OXR1: variants seen among roughly 807,000 people sequenced by gnomAD.
OXR1 encodes oxidation resistance 1.
A neutral mutation model predicts 104.6 loss-of-function variants in OXR1; 41 were observed. The ratio of observed to expected loss-of-function variants is 0.39; its 90% confidence interval spans 0.31 to 0.51. The LOEUF is 0.51. Among genes scored for constraint, OXR1 ranks in the 20% least tolerant of loss-of-function variants. The pLI, the probability that OXR1 is intolerant of heterozygous loss-of-function variation, is 0.77. For synonymous variants in OXR1, 348 were observed against 348.4 expected (o/e 1.00, Z 0.01); for missense variants, 955 against 1,031.9 (o/e 0.93, Z 1.02).
intron 2 of OXR1, among the ~76,000 whole-genome samples, chr8:106,422,879 A>G (rs1280213825): frequency 1.2e-4 from 18 of 152,184 alleles, no homozygotes; most frequent in African/African-American, 4.8e-5. Context: ...TATTAATATT[A>G]TAGAGAACTT....
intron 6 of OXR1, among the ~76,000 whole-genome samples, chr8:106,691,030 A>G (rs1325699422): frequency 6.6e-6 from 1 of 151,992 alleles, no homozygotes; most frequent in African/African-American, 2.4e-5. Flanking sequence ...CATTTATGGT[A>G]ATGGTTTATA....
At chr8:106,414,842 A>C (rs922152390) in intron 2 of OXR1, among the ~76,000 whole-genome samples, 1 of 152,148 alleles carries the variant, frequency 6.6e-6, no homozygotes, top group Non-Finnish European at 1.5e-5. Flanking sequence ...TATGGACTTA[A>C]TTAGGAAGGC....
At chr8:106,518,033 C>G (rs1812976821) in intron 2 of OXR1, among the ~76,000 whole-genome samples, 1 of 152,080 alleles carries the variant, frequency 6.6e-6, no homozygotes, top group Non-Finnish European at 1.5e-5. Flanking sequence ...GAAGCTATGT[C>G]TAACAAGCAT....
chr8:106,717,185 C>CA (rs1384933992), intron 11 of OXR1, among the ~76,000 whole-genome samples: 3 of 150,674 alleles, frequency 2.0e-5, no homozygotes, highest in African/African-American at 4.9e-5. Flanking sequence ...GACTCCATCT[C>CA]AAAAAAAATA....
In OXR1 at chr8:106,748,726, G is replaced by A. The variant is rs564214990; in HGVS notation, c.2487-2080G>A. On this transcript the variant is annotated intron_variant, in intron 16 of 16. Coordinates refer to ENST00000517566, the MANE Select transcript of OXR1 (RefSeq NM_001198533.2). ...TGGAATTACAGGCGCCCACCACCAC[G>A]CCTAGCTAACTTTTGTATTTTTTAT... 3.0e-4 allele frequency among the ~76,000 whole-genome samples: 46 copies of A among 151,266 alleles called. No homozygotes were observed. The South Asian group carries it at 8.1e-3, about 27-fold the overall frequency.
intron 2 of OXR1, among the ~76,000 whole-genome samples, chr8:106,494,440 C>G (rs1811291733): frequency 6.6e-6 from 1 of 152,010 alleles, no homozygotes. Flanking sequence ...TAGGTGTGCA[C>G]TGTAAGGAAT....
At chr8:106,538,716 C>A (rs1217676978) in intron 3 of OXR1, among the ~76,000 whole-genome samples, 1 of 152,064 alleles carries the variant, frequency 6.6e-6, no homozygotes, top group Admixed American at 6.6e-5. Flanking sequence ...TGGTTTCATG[C>A]CCCCAGATAG....
chr8:106,538,255 A>G (rs1423679268), intron 3 of OXR1, among the ~76,000 whole-genome samples: 2 of 152,186 alleles, frequency 1.3e-5, no homozygotes, highest in Non-Finnish European at 2.9e-5. Flanking sequence ...TAATATTTTT[A>G]ACTGAGATTC....
chr8:106,613,409 T>A (rs1381919128), intron 3 of OXR1, among the ~76,000 whole-genome samples: 2 of 152,270 alleles, frequency 1.3e-5, no homozygotes, highest in Non-Finnish European at 2.9e-5. Context: ...GATATGTCCT[T>A]CTTTTTGAGT....
At chr8:106,526,589 C>A (rs1017020493) in intron 3 of OXR1, among the ~76,000 whole-genome samples, 5 of 152,238 alleles carry the variant, frequency 3.3e-5, no homozygotes. Context: ...GTCGCCCAGG[C>A]TGGAGTGCAG....
intron 8 of OXR1, among the ~76,000 whole-genome samples, chr8:106,704,646 C>T (rs1040960617): frequency 6.6e-6 from 1 of 152,032 alleles, no homozygotes; most frequent in East Asian, 1.9e-4. Flanking sequence ...GATACACTGG[C>T]GTAGGCCTGC....
At chr8:106,602,474 G>T (rs536314831) in intron 3 of OXR1, among the ~76,000 whole-genome samples, 40 of 152,146 alleles carry the variant, frequency 2.6e-4, no homozygotes, top group Non-Finnish European at 5.3e-4. Flanking sequence ...TGAAAGAAAT[G>T]AAATCGTCAA....
At chr8:106,549,786 A>G (rs142327312) in intron 3 of OXR1, among the ~76,000 whole-genome samples, 1 of 152,230 alleles carries the variant, frequency 6.6e-6, no homozygotes, top group African/African-American at 2.4e-5. Context: ...TCCATTCATC[A>G]TGGCTCTGCT....
intron 2 of OXR1, among the ~76,000 whole-genome samples, chr8:106,504,331 A>T (rs1279583860): frequency 6.6e-6 from 1 of 152,166 alleles, no homozygotes; most frequent in African/African-American, 2.4e-5. Context: ...CAAGTTTGTG[A>T]TGTAGAGCAA....
At chr8:106,546,727 C>A (rs918449526) in intron 3 of OXR1, among the ~76,000 whole-genome samples, 1 of 151,636 alleles carries the variant, frequency 6.6e-6, no homozygotes, top group African/African-American at 2.4e-5. Context: ...GCTACCTGTG[C>A]AGACAGTTAA....
chr8:106,587,000 G>T (rs1283776928), intron 3 of OXR1, among the ~76,000 whole-genome samples: 1 of 152,218 alleles, frequency 6.6e-6, no homozygotes, highest in African/African-American at 2.4e-5. Flanking sequence ...AGAAGCAGTA[G>T]AAAGGAGTGT....
intron 1 of OXR1, among the ~76,000 whole-genome samples, chr8:106,328,221 A>G (rs1814558749): frequency 6.6e-6 from 1 of 152,208 alleles, no homozygotes; most frequent in Non-Finnish European, 1.5e-5. Context: ...ATTCTTAGCC[A>G]TGAGAACACC....
intron 2 of OXR1, among the ~76,000 whole-genome samples, chr8:106,503,218 T>G (rs1213871182): frequency 1.3e-5 from 2 of 152,176 alleles, no homozygotes; most frequent in African/African-American, 4.8e-5. Flanking sequence ...GTTTCAACCC[T>G]TCCTTAGCCA....
intron 1 of OXR1, among the ~76,000 whole-genome samples, chr8:106,278,538 A>T (rs1026921659): frequency 2.0e-5 from 3 of 152,170 alleles, no homozygotes; most frequent in Non-Finnish European, 4.4e-5. Flanking sequence ...AAAAAATTCT[A>T]CATCATCCAT....
Sources: allele counts gnomAD v4.1 joint callset (sites outside exome capture counted in the v4.1 genomes callset), GRCh38; gene constraint gnomAD v4.1.1; transcripts MANE v1.5; gene names NCBI Gene and HGNC (gene_info 2026-07-23, HGNC 2026-07-21).